Variants in TBL1X observed in about 807,000 individuals in gnomAD.
The protein encoded by TBL1X is F-box-like/WD repeat-containing protein TBL1X.
In TBL1X, 10 loss-of-function variants were observed where a neutral mutation model predicts 50.7. The observed-to-expected ratio is 0.20, with a 90% CI of 0.12 to 0.33. The LOEUF (loss-of-function observed/expected upper bound fraction) is 0.33. TBL1X is among the 10% of genes least tolerant of loss of function. The pLI, the probability that TBL1X is intolerant of heterozygous loss-of-function variation, is 1.00. For missense variants in TBL1X, 340 were observed against 504.4 expected, an observed-to-expected ratio of 0.67 and a Z score of 3.12; for synonymous variants, 190 against 214.7, an observed-to-expected ratio of 0.88 and a Z score of 1.01.
At chrX:9,593,319 T>C (rs936045358) in intron 2 of TBL1X, among the ~76,000 whole-genome samples, 1 of 109,700 alleles carries the variant, frequency 9.1e-6, no homozygotes, top group Non-Finnish European at 1.9e-5. Flanking sequence ...GGAGAATCGC[T>C]TGAACCCGGG....
At chrX:9,607,660 G>GTTC (rs1304516787) in intron 2 of TBL1X, among the ~76,000 whole-genome samples, 1 of 112,891 alleles carries the variant, frequency 8.9e-6, no homozygotes, top group Non-Finnish European at 1.9e-5. Context: ...TCCCTGGAGA[G>GTTC]TTCTCACCTT....
chrX:9,563,932 CA>C (rs1569057072), intron 2 of TBL1X, among the ~76,000 whole-genome samples: 8 of 112,433 alleles, frequency 7.1e-5, no homozygotes, highest in African/African-American at 2.3e-4. Context: ...AGAACATTAG[CA>C]TAAAGGAAGT....
Position 9,532,025 on chromosome X carries a change from C to T in TBL1X, c.-131+30176C>T, listed in dbSNP as rs2082164699. On this transcript the variant is annotated intron_variant, in intron 2 of 17. Coordinates refer to ENST00000645353, the MANE Select transcript of TBL1X (RefSeq NM_005647.4). ...TGCTGGGATTACAGGTGTGAGCCAC[C>T]ACACTGGGGCGCAAGAGCACGTCTT... 2.7e-5 allele frequency among the ~76,000 whole-genome samples: 3 copies of T among 111,709 alleles called. No homozygotes were observed. In the Admixed American group the frequency reaches 2.8e-4, roughly 11 times the overall value.
At chrX:9,519,337 C>T (rs955025461) in intron 2 of TBL1X, among the ~76,000 whole-genome samples, 3 of 111,511 alleles carry the variant, frequency 2.7e-5, no homozygotes, top group Admixed American at 9.6e-5. Flanking sequence ...GCCTCGATCT[C>T]CTGGGCTCAG....
In TBL1X at chrX:9,709,282, G is replaced by C; in HGVS notation, c.1271G>C (p.Gly424Ala). Residue 424 changes from glycine (G) to alanine (A), a missense_variant, in exon 14 of 18, where the codon GGA becomes GCA. Transcript: ENST00000645353. ...EVNAIKWDPS[G>A]MLLASCSDDM... ...AACGCCATCAAATGGGATCCGTCTGGAATGTTGCTGGCATCCTGCTCGGAT... is the reference window on the plus strand; with the variant it reads ...AACGCCATCAAATGGGATCCGTCTGCAATGTTGCTGGCATCCTGCTCGGAT... 2 of 1,211,867 alleles carry C rather than the reference G, an allele frequency of 1.7e-6. No individual in the cohort carries two copies. Among genetic ancestry groups the C allele is most frequent in the East Asian group, 3.0e-5 (1 of 33,839 alleles).
intron 2 of TBL1X, among the ~76,000 whole-genome samples, chrX:9,585,560 C>T (rs1041142799): frequency 3.6e-5 from 4 of 110,908 alleles, no homozygotes; most frequent in African/African-American, 1.3e-4. Context: ...GGACTGGGTT[C>T]GTTCCCTAGG....
rs998959308 is a variant in TBL1X at position 9,675,754 on chromosome X, G to C, written c.212-8289G>C. Among the ~76,000 whole-genome samples, 4 of 110,282 alleles carry C rather than the reference G, an allele frequency of 3.6e-5. No individual in the cohort carries two copies. The South Asian group carries it at 1.2e-3, about 33-fold the overall frequency. ...AAAAATACAAAAATTACCTGGGCGT[G>C]GTGGCATGCGCCTGTAATCCCAGCT... On this transcript the variant is annotated intron_variant, in intron 5 of 17. Coordinates refer to ENST00000645353, the MANE Select transcript of TBL1X (RefSeq NM_005647.4).
chrX:9,607,527 C>T (rs772504586), intron 2 of TBL1X, among the ~76,000 whole-genome samples: 1 of 112,773 alleles, frequency 8.9e-6, no homozygotes, highest in South Asian at 3.6e-4. Context: ...TTGCCGCTCT[C>T]ACCCTTGCCA....
At chrX:9,566,331 T>C (rs2082351242) in intron 2 of TBL1X, among the ~76,000 whole-genome samples, 1 of 111,983 alleles carries the variant, frequency 8.9e-6, no homozygotes, top group Non-Finnish European at 1.9e-5. Context: ...AAGAACCACT[T>C]GTTTTGAAGG....
At chrX:9,569,165 A>G (rs185761433) in intron 2 of TBL1X, among the ~76,000 whole-genome samples, 27 of 82,781 alleles carry the variant, frequency 3.3e-4, no homozygotes, top group South Asian at 6.1e-4. Flanking sequence ...TGTGTGTGGT[A>G]TGCTATGTGT....
chrX:9,651,012 T>A, intron 3 of TBL1X, among the ~76,000 whole-genome samples: 1 of 1,721 alleles, frequency 5.8e-4, no homozygotes, highest in African/African-American at 1.6e-3. Context: ...GCTGCCAGCC[T>A]TTTTTTTTTT....
intron 2 of TBL1X, among the ~76,000 whole-genome samples, chrX:9,581,070 T>G (rs1417411697): frequency 2.7e-5 from 3 of 111,551 alleles, no homozygotes; most frequent in African/African-American, 9.8e-5. Flanking sequence ...CGAATGTTAT[T>G]GTTGGTTTAC....
intron 5 of TBL1X, among the ~76,000 whole-genome samples, chrX:9,674,449 G>A (rs1481345689): frequency 2.7e-5 from 3 of 111,275 alleles, no homozygotes; most frequent in African/African-American, 9.8e-5. Flanking sequence ...TTTTATAGTG[G>A]CAGTGTTTCA....
intron 5 of TBL1X, among the ~76,000 whole-genome samples, chrX:9,660,283 A>G (rs1306760339): frequency 8.9e-6 from 1 of 112,778 alleles, no homozygotes; most frequent in Non-Finnish European, 1.9e-5. Context: ...GTTAATAAAA[A>G]CCATGTGATG....
rs756856582 is a variant in TBL1X, at chrX:9,690,177, C to G, written c.617-1402C>G. On this transcript the variant is annotated intron_variant, in intron 7 of 17. Coordinates refer to ENST00000645353, the MANE Select transcript of TBL1X (RefSeq NM_005647.4). ...AGCAAACTTTCTTTACAGGGACAGA[C>G]AGTAAATGTCCCAGGCTTTGAGGGT... 4.4e-5 allele frequency among the ~76,000 whole-genome samples: 5 copies of G among 112,536 alleles called. No individual in the cohort carries two copies. In the East Asian group the frequency reaches 1.1e-3, roughly 25 times the overall value.
At chrX:9,467,705 G>C (rs1285130263) in intron 1 of TBL1X, among the ~76,000 whole-genome samples, 1 of 110,429 alleles carries the variant, frequency 9.1e-6, no homozygotes, top group Non-Finnish European at 1.9e-5. Flanking sequence ...TTTTACCTCC[G>C]GTCTTGCCCC....
rs1000593396 is a variant in TBL1X at position 9,520,375 on chromosome X, G to A, written c.-131+18526G>A. 2.7e-5 allele frequency among the ~76,000 whole-genome samples: 3 copies of A among 111,340 alleles called. No homozygotes were observed. In the Admixed American group the frequency reaches 2.9e-4, roughly 11 times the overall value. On this transcript the variant is annotated intron_variant, in intron 2 of 17. Coordinates refer to ENST00000645353, the MANE Select transcript of TBL1X (RefSeq NM_005647.4). ...GACACAAGGCAGAGGTGTAAAAAGG[G>A]AACTCTGGAGATAGGAATTGGAAAT...
intron 5 of TBL1X, among the ~76,000 whole-genome samples, chrX:9,669,436 T>C (rs772497018): frequency 8.9e-6 from 1 of 111,903 alleles, no homozygotes; most frequent in Non-Finnish European, 1.9e-5. Flanking sequence ...CCAATCTGTC[T>C]GTCTAACAAC....
At chrX:9,696,052 AAC>A (rs1401352056) in intron 11 of TBL1X, among the ~76,000 whole-genome samples, 1 of 112,695 alleles carries the variant, frequency 8.9e-6, no homozygotes, top group African/African-American at 3.2e-5. Flanking sequence ...GGTGTTGACC[AAC>A]ACAGAGTGAC....
Sources: gnomAD v4.1 joint callset for allele counts (sites outside exome capture counted in the v4.1 genomes callset) on GRCh38, gnomAD v4.1.1 for gene constraint, MANE v1.5 for transcripts, NCBI Gene and HGNC (gene_info 2026-07-23, HGNC 2026-07-21) for gene names.